The following CPE variants were observed in gnomAD, a reference collection of about 807,000 sequenced individuals.
CPE encodes the protein carbocypeptidase E.
Under a neutral mutation model 53.5 loss-of-function variants are expected in CPE, and 17 were observed. That is an observed-to-expected ratio of 0.32 (90% confidence interval 0.22 to 0.48). CPE has a LOEUF of 0.48. CPE is among the 20% of genes least tolerant of loss of function. The pLI is 0.99. For missense variants in CPE, 524 were observed against 614.7 expected (o/e 0.85, Z 1.56); for synonymous variants, 226 against 228.8 (o/e 0.99, Z 0.11).
intron 1 of CPE, among the ~76,000 whole-genome samples, chr4:165,431,781 G>T (rs1273503926): frequency 6.6e-6 from 1 of 152,090 alleles, no homozygotes; most frequent in East Asian, 1.9e-4. Flanking sequence ...ATATGGTAAA[G>T]TGTGATAAGG....
intron 1 of CPE, among the ~76,000 whole-genome samples, chr4:165,381,120 A>G (rs1441078448): frequency 6.6e-6 from 1 of 152,216 alleles, no homozygotes; most frequent in Non-Finnish European, 1.5e-5. Flanking sequence ...AGATTATATG[A>G]AAGCTAATGT....
chr4:165,407,938 C>T (rs1730978821), intron 1 of CPE, among the ~76,000 whole-genome samples: 1 of 151,888 alleles, frequency 6.6e-6, no homozygotes, highest in South Asian at 2.1e-4. Context: ...ACCTCAGCCT[C>T]CCAATTAGCT....
intron 1 of CPE, among the ~76,000 whole-genome samples, chr4:165,430,716 A>G (rs1193530425): frequency 2.6e-5 from 4 of 152,236 alleles, no homozygotes; most frequent in African/African-American, 7.2e-5. Flanking sequence ...TTAAGGATAT[A>G]CATTTCAGAC....
At chr4:165,389,711 G>C (rs1730649593) in intron 1 of CPE, among the ~76,000 whole-genome samples, 1 of 152,046 alleles carries the variant, frequency 6.6e-6, no homozygotes, top group African/African-American at 2.4e-5. Context: ...AAATTATTTG[G>C]CAAATAAATA....
intron 1 of CPE, among the ~76,000 whole-genome samples, chr4:165,393,698 G>T (rs1310761897): frequency 1.3e-5 from 2 of 152,154 alleles, no homozygotes; most frequent in Non-Finnish European, 2.9e-5. Flanking sequence ...GTCATGAGCT[G>T]TTTATGTGAA....
At chr4:165,427,012 G>A (rs149162079) in intron 1 of CPE, among the ~76,000 whole-genome samples, 2 of 152,310 alleles carry the variant, frequency 1.3e-5, no homozygotes, top group African/African-American at 4.8e-5. Flanking sequence ...CAAATTTCTG[G>A]TGGCTCCACC....
intron 3 of CPE, among the ~76,000 whole-genome samples, chr4:165,476,607 C>T (rs1222363217): frequency 1.3e-5 from 2 of 152,148 alleles, no homozygotes; most frequent in African/African-American, 4.8e-5. Context: ...CTTTCGCTGG[C>T]GCCTGCTGCA....
chr4:165,412,925 T>C (rs1009666570), intron 1 of CPE, among the ~76,000 whole-genome samples: 1 of 152,142 alleles, frequency 6.6e-6, no homozygotes, highest in East Asian at 1.9e-4. Context: ...ATCTGTAACG[T>C]TCCTCTGCTT....
In CPE at chr4:165,495,589, T is replaced by C. The variant is rs918111918; in HGVS notation, c.1244T>C (p.Ile415Thr). The part of the protein sequence containing the change: ...AKDGDYWRLL[I>T]PGNYKLTASA... Reference sequence around the variant, plus strand: ...GATGGTGATTACTGGAGATTGCTTATACCTGGAAACTATAAACTTACAGCC... The same window carrying C: ...GATGGTGATTACTGGAGATTGCTTACACCTGGAAACTATAAACTTACAGCC... Residue 415 changes from isoleucine (I) to threonine (T), a missense_variant, in exon 8 of 9, where the codon ATA (isoleucine) becomes ACA (threonine). Coordinates refer to ENST00000402744, the MANE Select transcript of CPE (RefSeq NM_001873.4). The C allele has an allele frequency of 3.7e-6, 6 of 1,613,484 alleles. No individual in the cohort carries two copies. Among genetic ancestry groups the C allele is most frequent in the African/African-American group, 1.3e-5 (1 of 74,906 alleles).
At chr4:165,405,443 A>G (rs1730937802) in intron 1 of CPE, 3 of 867,258 alleles carry the variant, frequency 3.5e-6, no homozygotes, top group Non-Finnish European at 6.0e-6. Context: ...AGTCTTTACC[A>G]CATCAATTAT....
At chr4:165,430,328 A>G (rs1023333236) in intron 1 of CPE, among the ~76,000 whole-genome samples, 3 of 152,362 alleles carry the variant, frequency 2.0e-5, no homozygotes, top group African/African-American at 7.2e-5. Flanking sequence ...AAAAATTTTC[A>G]AAGTAGTGCA....
At chr4:165,387,095 T>G (rs1730606158) in intron 1 of CPE, among the ~76,000 whole-genome samples, 1 of 152,224 alleles carries the variant, frequency 6.6e-6, no homozygotes, top group Non-Finnish European at 1.5e-5. Flanking sequence ...GGATATGGTG[T>G]TTTGTAAGTG....
chr4:165,431,985 C>T (rs1355206098), intron 1 of CPE, among the ~76,000 whole-genome samples: 1 of 151,650 alleles, frequency 6.6e-6, no homozygotes, highest in East Asian at 1.9e-4. Flanking sequence ...CCCCACCCTA[C>T]ACCCCAATTA....
intron 1 of CPE, among the ~76,000 whole-genome samples, chr4:165,409,555 G>A (rs1425893340): frequency 1.3e-5 from 2 of 152,164 alleles, no homozygotes; most frequent in Non-Finnish European, 2.9e-5. Flanking sequence ...TGCCACTTGT[G>A]TGAGAGACTA....
At chr4:165,495,491 A>G (rs7692951) in intron 7 of CPE, 68 bp from the exon 8 acceptor site, 158,311 of 1,031,450 alleles carry the variant, frequency 0.15, 19,276 homozygotes, top group African/African-American at 0.57. Flanking sequence ...CTTAGATGGC[A>G]TAATTATGCA....
In CPE at chr4:165,405,266, A is replaced by G. The variant is rs535542919; in HGVS notation, c.307+25738A>G. On this transcript the variant is annotated intron_variant, in intron 1 of 8. Transcript: ENST00000402744. Reference sequence around the variant, plus strand: ...TGCTCCCATCATCCCTGCACCAGGAATAGCCAGATGCTTAACATCCTTCTG... The same window carrying G: ...TGCTCCCATCATCCCTGCACCAGGAGTAGCCAGATGCTTAACATCCTTCTG... 4 of 938,232 alleles carry G rather than the reference A, an allele frequency of 4.3e-6. No homozygotes were observed. The East Asian group carries it at 9.6e-5, about 22-fold the overall frequency. The allele number at this position is 938,232 out of a possible 1,614,324, so 58.1% of individuals were successfully genotyped here.
chr4:165,449,178 AG>A (rs1441229498), intron 1 of CPE, among the ~76,000 whole-genome samples: 1 of 152,248 alleles, frequency 6.6e-6, no homozygotes, highest in Non-Finnish European at 1.5e-5. Context: ...CTCAGATTCT[AG>A]GTCTAATAAG....
At chr4:165,473,325 C>G (rs1732240528) in intron 3 of CPE, among the ~76,000 whole-genome samples, 1 of 71,900 alleles carries the variant, frequency 1.4e-5, no homozygotes, top group Non-Finnish European at 2.9e-5. Flanking sequence ...TCTGCCTTAC[C>G]AAAAATACCT....
At chr4:165,495,480 C>A in intron 7 of CPE, 79 bp from the exon 8 acceptor site, 2 of 912,850 alleles carry the variant, frequency 2.2e-6, no homozygotes, top group South Asian at 1.6e-5. Flanking sequence ...ACTGGGTATT[C>A]CTTAGATGGC....
Sources: gnomAD v4.1 joint callset for allele counts (sites outside exome capture counted in the v4.1 genomes callset) on GRCh38, gnomAD v4.1.1 for gene constraint, MANE v1.5 for transcripts, NCBI Gene and HGNC (gene_info 2026-07-23, HGNC 2026-07-21) for gene names.